Variants in DENND1A observed in about 807,000 individuals in gnomAD.
DENND1A encodes DENN domain-containing protein 1A.
In DENND1A, 51 loss-of-function variants were observed where a neutral mutation model predicts 113.7. That is an observed-to-expected ratio of 0.45 (90% confidence interval 0.36 to 0.57). The LOEUF is 0.57. Among genes scored for constraint, DENND1A ranks in the 20% least tolerant of loss-of-function variants. The probability of loss-of-function intolerance (pLI) is 0.00; values close to 1 mark genes in which losing one functional copy is unlikely to be tolerated. For missense variants in DENND1A, 1,258 were observed against 1,395.9 expected (o/e 0.90, Z 1.57); for synonymous variants, 565 against 570.8 (o/e 0.99, Z 0.14).
chr9:123,636,650 A>C (rs547578388), intron 9 of DENND1A, among the ~76,000 whole-genome samples: 8 of 151,290 alleles, frequency 5.3e-5, no homozygotes, highest in Non-Finnish European at 1.2e-4. Context: ...GGAATGGAGA[A>C]TGCCTCCAGA....
At chr9:123,396,244 A>C (rs2043132927) in intron 21 of DENND1A, among the ~76,000 whole-genome samples, 2 of 152,320 alleles carry the variant, frequency 1.3e-5, no homozygotes, top group African/African-American at 2.4e-5. Flanking sequence ...CATGTTAAGA[A>C]AGGAGGACCA....
At chr9:123,506,476 G>A (rs1387360016) in intron 13 of DENND1A, among the ~76,000 whole-genome samples, 5 of 149,114 alleles carry the variant, frequency 3.4e-5, no homozygotes, top group Non-Finnish European at 7.4e-5. Context: ...CAGCTACTTG[G>A]GAGGCTGAGG....
chr9:123,674,361 C>T (rs2063933461), intron 6 of DENND1A, among the ~76,000 whole-genome samples: 1 of 136,248 alleles, frequency 7.3e-6, no homozygotes, highest in Non-Finnish European at 1.5e-5. Flanking sequence ...CACACACACA[C>T]ACACACACAC....
chr9:123,403,386 G>A lies in DENND1A; in HGVS notation c.1631+16C>T. On this transcript the variant is annotated intron_variant, in intron 21 of 23. Transcript: ENST00000394215. The stretch of plus-strand genomic sequence containing the variant: ...ACAGGGTTCTTACAGACAGAGGGGA[G>A]AGGCACAATACTCACTGCTCAGGGC... 6.2e-7 allele frequency: 1 copy of A among 1,613,506 alleles called. No individual in the cohort carries two copies. Among genetic ancestry groups the A allele is most frequent in the South Asian group, 1.1e-5 (1 of 90,924 alleles).
chr9:123,825,431 G>T (rs1466432237), intron 2 of DENND1A, among the ~76,000 whole-genome samples: 1 of 152,090 alleles, frequency 6.6e-6, no homozygotes, highest in East Asian at 1.9e-4. Context: ...TTACTAGGGG[G>T]TGTCAACAGA....
intron 13 of DENND1A, among the ~76,000 whole-genome samples, chr9:123,544,978 G>A (rs1302357713): frequency 6.6e-6 from 1 of 151,974 alleles, no homozygotes; most frequent in Non-Finnish European, 1.5e-5. Context: ...GGCGCCTGTA[G>A]TCCTAGCTAC....
In DENND1A at chr9:123,587,274, G is replaced by A. The variant is rs571070672; in HGVS notation, c.766-4004C>T. ...GCATAACTGAGTGGCTCAGTATATAGAGTACACAGAGATAAGAATTTACAA... is the reference window on the plus strand; with the variant it reads ...GCATAACTGAGTGGCTCAGTATATAAAGTACACAGAGATAAGAATTTACAA... On this transcript the variant is annotated intron_variant, in intron 11 of 23. Coordinates refer to ENST00000394215, the MANE Select transcript of DENND1A (RefSeq NM_001352964.2). Among the ~76,000 whole-genome samples the A allele has an allele frequency of 2.6e-5, 4 of 152,260 alleles. No individual in the cohort carries two copies. The South Asian group carries it at 8.3e-4, about 32-fold the overall frequency.
chr9:123,794,032 G>A (rs768383757), intron 2 of DENND1A, among the ~76,000 whole-genome samples: 1 of 152,244 alleles, frequency 6.6e-6, no homozygotes, highest in African/African-American at 2.4e-5. Context: ...GAACTCTGGA[G>A]TAATGCCCCT....
At chr9:123,564,787 T>C (rs78367311) in intron 12 of DENND1A, among the ~76,000 whole-genome samples, 2,995 of 152,258 alleles carry the variant, frequency 0.02, 68 homozygotes, top group East Asian at 0.066. Flanking sequence ...GGCTACCATA[T>C]TGGACAACAC....
chr9:123,488,638 C>A (rs557004567), intron 13 of DENND1A, among the ~76,000 whole-genome samples: 1 of 152,176 alleles, frequency 6.6e-6, no homozygotes, highest in African/African-American at 2.4e-5. Flanking sequence ...CCCCACTCCA[C>A]GTCCCTGGAC....
intron 2 of DENND1A, among the ~76,000 whole-genome samples, chr9:123,813,236 A>G (rs1836918795): frequency 6.6e-6 from 1 of 152,236 alleles, no homozygotes; most frequent in Admixed American, 6.5e-5. Flanking sequence ...ATGTGGGATT[A>G]CAGGTGTGAG....
chr9:123,594,133 A>G (rs1413605785), intron 11 of DENND1A, among the ~76,000 whole-genome samples: 3 of 152,226 alleles, frequency 2.0e-5, no homozygotes, highest in Admixed American at 6.5e-5. Flanking sequence ...TAGTCGTGTG[A>G]GAATGGACTA....
intron 2 of DENND1A, among the ~76,000 whole-genome samples, chr9:123,834,362 G>A (rs1214781410): frequency 1.3e-5 from 2 of 152,184 alleles, no homozygotes; most frequent in Middle Eastern, 3.2e-3. Flanking sequence ...ATACTATGAG[G>A]AGGAATAAAT....
chr9:123,914,799 T>A (rs1241519465), intron 1 of DENND1A, among the ~76,000 whole-genome samples: 1 of 151,792 alleles, frequency 6.6e-6, no homozygotes, highest in Non-Finnish European at 1.5e-5. Flanking sequence ...AACTCAGTCA[T>A]CACCAAGGGG....
chr9:123,810,398 CACAA>C (rs1255776517), intron 2 of DENND1A, among the ~76,000 whole-genome samples: 2 of 151,896 alleles, frequency 1.3e-5, no homozygotes, highest in African/African-American at 2.4e-5. Context: ...AAGGCAGGTA[CACAA>C]ACAAAGTTTT....
intron 1 of DENND1A, among the ~76,000 whole-genome samples, chr9:123,903,206 C>T: frequency 6.7e-6 from 1 of 149,880 alleles, no homozygotes; most frequent in Non-Finnish European, 1.5e-5. Flanking sequence ...GTGGCGGGCG[C>T]CTGTAGTCCC....
chr9:123,461,233 G>T (rs550539144), intron 13 of DENND1A, among the ~76,000 whole-genome samples: 1 of 152,152 alleles, frequency 6.6e-6, no homozygotes, highest in Non-Finnish European at 1.5e-5. Context: ...TCCCAGTGCC[G>T]TGTGCACTCC....
chr9:123,581,029 T>C (rs775833156), intron 12 of DENND1A, among the ~76,000 whole-genome samples: 1 of 151,894 alleles, frequency 6.6e-6, no homozygotes, highest in Non-Finnish European at 1.5e-5. Context: ...CAACACTAAC[T>C]GTCATTCAGG....
At chr9:123,589,248 T>A (rs987195432) in intron 11 of DENND1A, among the ~76,000 whole-genome samples, 1 of 152,126 alleles carries the variant, frequency 6.6e-6, no homozygotes, top group African/African-American at 2.4e-5. Flanking sequence ...AATTACTGTA[T>A]ATAATATCGT....
Sources: allele counts gnomAD v4.1 joint callset (sites outside exome capture counted in the v4.1 genomes callset), GRCh38; gene constraint gnomAD v4.1.1; transcripts MANE v1.5; gene names NCBI Gene and HGNC (gene_info 2026-07-23, HGNC 2026-07-21).